The following HECW1 variants were observed in gnomAD, a reference collection of about 807,000 sequenced individuals.
The protein encoded by HECW1 is E3 ubiquitin-protein ligase HECW1.
A neutral mutation model predicts 182.3 loss-of-function variants in HECW1; 61 were observed. That is an observed-to-expected ratio of 0.33 (90% CI 0.27 to 0.41). The LOEUF (loss-of-function observed/expected upper bound fraction) is 0.41. HECW1 is among the 10% of genes least tolerant of loss of function. HECW1 has a pLI of 1.00. For missense variants in HECW1, 1,739 were observed against 2,108.9 expected (o/e 0.82, Z 3.44); for synonymous variants, 859 against 832.6 (o/e 1.03, Z -0.55).
At chr7:43,271,337 A>G (rs1802385134) in intron 3 of HECW1, among the ~76,000 whole-genome samples, 4 of 152,222 alleles carry the variant, frequency 2.6e-5, no homozygotes, top group Non-Finnish European at 5.9e-5. Context: ...TATTCAACAT[A>G]GTACTGGAAG....
rs994154869 is a variant in HECW1 at position 43,432,390 on chromosome 7, C to T, written c.802-5613C>T. Among the ~76,000 whole-genome samples the T allele has an allele frequency of 1.5e-4, 23 of 152,126 alleles. No individual in the cohort carries two copies. Among genetic ancestry groups the T allele is most frequent in the Non-Finnish European group, 2.1e-4 (14 of 68,008 alleles). On this transcript the variant is annotated intron_variant, in intron 8 of 29. Coordinates refer to ENST00000395891, the MANE Select transcript of HECW1 (RefSeq NM_015052.5). This position sits in a 1 kb window ranked among gnomAD's most constrained non-coding sequence, Gnocchi z 4.1. ...TCCTGACCTCGTGATCCGCCCGCCT[C>T]GGCCTCCCAAAGTGCTGGGATTACA...
chr7:43,459,048 T>A (rs1342390209), intron 13 of HECW1, among the ~76,000 whole-genome samples: 3 of 152,226 alleles, frequency 2.0e-5, no homozygotes, highest in Non-Finnish European at 4.4e-5. Context: ...CAGGCCTTTA[T>A]GGCTTGGCCA....
chr7:43,182,159 A>G lies in HECW1; in HGVS notation c.-31-61716A>G, dbSNP rs531236742. ...GTGTGGAAGTGTTTTCATTTGATAT[A>G]TTTCCACTTGTCTATTTTTACATTT... is the stretch of plus-strand genomic sequence containing the variant. On this transcript the variant is annotated intron_variant, in intron 2 of 29. Coordinates refer to ENST00000395891, the MANE Select transcript of HECW1 (RefSeq NM_015052.5). Among the ~76,000 whole-genome samples, 5 of 152,170 alleles carry G rather than the reference A, an allele frequency of 3.3e-5. No individual in the cohort carries two copies. The South Asian group carries it at 6.2e-4, about 19-fold the overall frequency.
At chr7:43,504,013 G>T (rs746048180) in intron 21 of HECW1, among the ~76,000 whole-genome samples, 3 of 152,034 alleles carry the variant, frequency 2.0e-5, no homozygotes, top group Non-Finnish European at 4.4e-5. Context: ...GGTAGGCGGG[G>T]CCCCAACGCT....
rs1381167107 is a variant in HECW1, at chr7:43,365,278, T to G, written c.555+4298T>G. Among the ~76,000 whole-genome samples the G allele has an allele frequency of 1.3e-5, 2 of 152,248 alleles. 1 individual carries two copies. Among genetic ancestry groups the G allele is most frequent in the Non-Finnish European group, 2.9e-5 (2 of 68,036 alleles). On this transcript the variant is annotated intron_variant, in intron 6 of 29. Transcript: ENST00000395891. ...GCATACTGCTCCCACACCTGGTTTA[T>G]GAGACCCTCCCTACAGAGCGTTCAC...
At chr7:43,128,666 A>G (rs1052805710) in intron 2 of HECW1, among the ~76,000 whole-genome samples, 1 of 152,140 alleles carries the variant, frequency 6.6e-6, no homozygotes, top group African/African-American at 2.4e-5. Flanking sequence ...TAAGAAATAC[A>G]TTTCTTGATG....
chr7:43,282,313 G>A (rs1349565901), intron 3 of HECW1, among the ~76,000 whole-genome samples: 7 of 152,194 alleles, frequency 4.6e-5, no homozygotes, highest in Admixed American at 3.3e-4. Flanking sequence ...CAAGGGCCCC[G>A]CATCACACTC....
intron 7 of HECW1, among the ~76,000 whole-genome samples, chr7:43,399,429 A>G (rs2075332681): frequency 6.6e-6 from 1 of 152,234 alleles, no homozygotes; most frequent in South Asian, 2.1e-4. Context: ...AATAACAATG[A>G]TTAATACCAA....
chr7:43,542,795 C>A (rs1036976873), intron 26 of HECW1, among the ~76,000 whole-genome samples: 1 of 152,158 alleles, frequency 6.6e-6, no homozygotes, highest in African/African-American at 2.4e-5. Context: ...AAACCAATTC[C>A]TTGGGAACTA....
intron 8 of HECW1, among the ~76,000 whole-genome samples, chr7:43,421,696 C>G (rs7797811): frequency 0.014 from 2,142 of 152,222 alleles, 57 homozygotes; most frequent in African/African-American, 0.049. Context: ...ATTTTGACAT[C>G]CAGGAATGAA....
At chr7:43,537,511 A>G (rs985413507) in intron 24 of HECW1, among the ~76,000 whole-genome samples, 56 of 152,262 alleles carry the variant, frequency 3.7e-4, no homozygotes, top group African/African-American at 1.3e-3. Context: ...AGATAAATAT[A>G]CAAGATAAAT....
intron 24 of HECW1, among the ~76,000 whole-genome samples, chr7:43,533,577 A>G (rs1411285788): frequency 6.6e-6 from 1 of 152,146 alleles, no homozygotes; most frequent in Non-Finnish European, 1.5e-5. Flanking sequence ...TTGCCAGTAC[A>G]GTGCTTGTTT....
intron 5 of HECW1, among the ~76,000 whole-genome samples, chr7:43,331,744 A>T (rs1811521166): frequency 6.6e-6 from 1 of 152,162 alleles, no homozygotes; most frequent in South Asian, 2.1e-4. Flanking sequence ...TCACTGTTGT[A>T]TCCAGTGAGA....
At chr7:43,189,705 GA>G (rs1267575128) in intron 2 of HECW1, among the ~76,000 whole-genome samples, 1 of 152,108 alleles carries the variant, frequency 6.6e-6, no homozygotes, top group Non-Finnish European at 1.5e-5. Context: ...CATTACATAA[GA>G]AAACTTTTTG....
chr7:43,494,463 A>G (rs1316540165), intron 19 of HECW1, among the ~76,000 whole-genome samples: 3 of 152,130 alleles, frequency 2.0e-5, no homozygotes, highest in Non-Finnish European at 4.4e-5. Context: ...CTACCCTTCA[A>G]AAAAGCTTTC....
intron 3 of HECW1, among the ~76,000 whole-genome samples, chr7:43,282,881 G>A (rs975333361): frequency 6.6e-6 from 1 of 152,108 alleles, no homozygotes; most frequent in East Asian, 1.9e-4. Flanking sequence ...ACTTTGGGAG[G>A]CCAAGGCAGG....
intron 2 of HECW1, among the ~76,000 whole-genome samples, chr7:43,139,178 C>T (rs1006409387): frequency 6.6e-6 from 1 of 152,158 alleles, no homozygotes; most frequent in African/African-American, 2.4e-5. Context: ...ACTGACCTGA[C>T]CCTAGGGGGG....
chr7:43,179,116 G>A (rs1010351943), intron 2 of HECW1, among the ~76,000 whole-genome samples: 1 of 152,204 alleles, frequency 6.6e-6, no homozygotes, highest in Admixed American at 6.5e-5. Flanking sequence ...TCCGCAGTGA[G>A]AAAACATCAA....
chr7:43,388,639 G>A (rs936207051), intron 6 of HECW1, among the ~76,000 whole-genome samples: 2 of 152,020 alleles, frequency 1.3e-5, no homozygotes, highest in African/African-American at 4.8e-5. Context: ...GGGTTTTTTT[G>A]TTTTGTTTTG....
Sources: gnomAD v4.1 joint callset for allele counts (sites outside exome capture counted in the v4.1 genomes callset) on GRCh38, gnomAD v4.1.1 for gene constraint, Gnocchi (gnomAD v3.1) non-coding constraint, MANE v1.5 for transcripts, NCBI Gene and HGNC (gene_info 2026-07-23, HGNC 2026-07-21) for gene names.